Variants in NPY1R observed in about 807,000 individuals in gnomAD.
NPY1R encodes the protein neuropeptide Y receptor type 1.
NPY1R carries 10 observed loss-of-function variants against 24.1 expected under a neutral mutation model. The ratio of observed to expected loss-of-function variants is 0.42; its 90% CI spans 0.26 to 0.71. The LOEUF is 0.71. Among genes scored for constraint, NPY1R ranks in the 30% least tolerant of loss-of-function variants. NPY1R has a pLI of 0.28. For missense variants in NPY1R, 350 were observed against 458.0 expected (o/e 0.76, Z 2.15); for synonymous variants, 168 against 165.9 (o/e 1.01, Z -0.10).
intron 1 of NPY1R, among the ~76,000 whole-genome samples, chr4:163,329,918 T>C (rs551758916): frequency 6.6e-6 from 1 of 152,142 alleles, no homozygotes; most frequent in East Asian, 1.9e-4. Context: ...TTATGGTCTG[T>C]GCCTATAATC....
upstream of NPY1R, among the ~76,000 whole-genome samples, chr4:163,336,944 G>A (rs1194773191): frequency 6.6e-6 from 1 of 152,150 alleles, no homozygotes; most frequent in East Asian, 1.9e-4. Context: ...CTGGGCAACA[G>A]AGTGATACTG....
chr4:163,340,678 A>G (rs1176641004), intron 1 of NPY1R, among the ~76,000 whole-genome samples: 1 of 152,070 alleles, frequency 6.6e-6, no homozygotes, highest in Non-Finnish European at 1.5e-5. Flanking sequence ...TATAAAGAAA[A>G]CGAAGACTGA....
chr4:163,325,452 T>G lies in NPY1R; in HGVS notation c.1006A>C (p.Asn336His). The change falls in exon 3 of 3, where the codon AAC (asparagine) becomes CAC (histidine). Residue 336 changes from asparagine to histidine, a missense_variant. Transcript: ENST00000296533. Reference sequence around the variant, plus strand: ...TCCCGAGACCGGAAATCACAAAAGTTGAAGAAGAACTGCAAGTCTCTCTGG... The same window carrying G: ...TCCCGAGACCGGAAATCACAAAAGTGGAAGAAGAACTGCAAGTCTCTCTGG... ...NFQRDLQFFF[N>H]FCDFRSRDDD... is the part of the protein sequence containing the mutation. 6.2e-7 allele frequency: 1 copy of G among 1,614,126 alleles called. No homozygotes were observed. Among genetic ancestry groups the G allele is most frequent in the East Asian group, 2.2e-5 (1 of 44,886 alleles).
upstream of NPY1R, among the ~76,000 whole-genome samples, chr4:163,334,861 GAAAAAAAAA>G (rs545497813): frequency 6.0e-5 from 4 of 66,922 alleles, no homozygotes; most frequent in South Asian, 5.0e-4. Context: ...CTCTGTTTTG[GAAAAAAAAA>G]AAAAAAAAAA....
At chr4:163,333,220 T>G (rs1339898134), upstream of NPY1R, among the ~76,000 whole-genome samples, 1 of 151,802 alleles carries the variant, frequency 6.6e-6, no homozygotes, top group Non-Finnish European at 1.5e-5. Context: ...TGCTTTTTAG[T>G]TTTTTTAGGG....
chr4:163,326,992 A>C (rs1734623604), intron 1 of NPY1R, among the ~76,000 whole-genome samples: 1 of 152,192 alleles, frequency 6.6e-6, no homozygotes, highest in Non-Finnish European at 1.5e-5. Context: ...AACAGTAATA[A>C]CAGCACATTC....
intron 1 of NPY1R, among the ~76,000 whole-genome samples, chr4:163,341,622 G>A (rs776583149): frequency 6.6e-6 from 1 of 152,090 alleles, no homozygotes; most frequent in Admixed American, 6.5e-5. Context: ...TTACAGATAA[G>A]CTTTCTTTCA....
intron 1 of NPY1R, among the ~76,000 whole-genome samples, chr4:163,331,931 G>A (rs1734738493): frequency 6.6e-6 from 1 of 152,176 alleles, no homozygotes; most frequent in African/African-American, 2.4e-5. Context: ...TTGCGCGCTG[G>A]GGTCCGCGCC....
chr4:163,340,634 G>A (rs973621991), intron 1 of NPY1R, among the ~76,000 whole-genome samples: 25 of 151,778 alleles, frequency 1.6e-4, no homozygotes, highest in Non-Finnish European at 3.4e-4. Flanking sequence ...GTCTCAAAGG[G>A]GACTCCAGAT....
In NPY1R at chr4:163,325,527, T is replaced by A; in HGVS notation, c.931A>T (p.Ile311Leu). ...LFLLCHLTAM[I>L]STCVNPIFYG... Reference sequence around the variant, plus strand: ...AATATGGGGTTGACACAAGTGGATATCATTGCTGTGAGGTGGCAGAGCAGG... The same window carrying A: ...AATATGGGGTTGACACAAGTGGATAACATTGCTGTGAGGTGGCAGAGCAGG... The change falls in exon 3 of 3, where the codon ATA becomes TTA. Residue 311 changes from isoleucine (I) to leucine (L), a missense_variant. Coordinates refer to ENST00000296533, the MANE Select transcript of NPY1R (RefSeq NM_000909.6). The A allele has an allele frequency of 6.2e-7, 1 of 1,614,122 alleles. No homozygotes were observed. Among genetic ancestry groups the A allele is most frequent in the Non-Finnish European group, 8.5e-7 (1 of 1,179,980 alleles).
rs760750575 is a variant in NPY1R, at chr4:163,326,103, T to C, written c.452A>G (p.Asn151Ser). The change falls in exon 2 of 3, where the codon AAT (asparagine) becomes AGT (serine). Residue 151 changes from asparagine (N) to serine (S), a missense_variant. Coordinates refer to ENST00000296533, the MANE Select transcript of NPY1R (RefSeq NM_000909.6). ...AATACCTACATAAGCATGTCTATTA[T>C]TTGGTCTCCACCCTCGAGGGTTGAT... ...LIINPRGWRP[N>S]NRHAYVGIAV... is the part of the protein sequence containing the mutation. The C allele has an allele frequency of 6.2e-7, 1 of 1,614,140 alleles. No homozygotes were observed. The highest frequency in any genetic ancestry group is 1.1e-5 in the South Asian group (1 of 91,076).
chr4:163,329,794 T>C (rs1366936725), intron 1 of NPY1R, among the ~76,000 whole-genome samples: 2 of 151,190 alleles, frequency 1.3e-5, no homozygotes, highest in African/African-American at 2.4e-5. Flanking sequence ...CTAAGGCCCA[T>C]GTGTAACTGG....
chr4:163,333,865 T>C (rs575980218), upstream of NPY1R, among the ~76,000 whole-genome samples: 20 of 152,332 alleles, frequency 1.3e-4, no homozygotes, highest in South Asian at 3.7e-3. Context: ...AAAGGCATTG[T>C]AATTAAGAAT....
chr4:163,338,430 C>T (rs983325862), intron 1 of NPY1R, among the ~76,000 whole-genome samples: 1 of 152,150 alleles, frequency 6.6e-6, no homozygotes, highest in Non-Finnish European at 1.5e-5. Flanking sequence ...ACCACAGCTC[C>T]CTTCAGAGGA....
At chr4:163,333,937 A>G (rs763773994), upstream of NPY1R, among the ~76,000 whole-genome samples, 1 of 152,196 alleles carries the variant, frequency 6.6e-6, no homozygotes, top group Non-Finnish European at 1.5e-5. Context: ...ATAAGCATAC[A>G]TATAAAAATC....
At position 163,326,263 on chromosome 4, in the gene NPY1R, A is replaced by C. The variant is rs1734604682; in HGVS notation, c.292T>G (p.Phe98Val). ...LVAIMCLPFT[F>V]VYTLMDHWVF... ...CAGTGGTCCATTAATGTGTAGACAA[A>C]TGTAAAGGGGAGACACATGATGGCA... Residue 98 changes from phenylalanine to valine, a missense_variant, in exon 2 of 3, where the codon TTT (phenylalanine) becomes GTT (valine). Coordinates refer to ENST00000296533, the MANE Select transcript of NPY1R (RefSeq NM_000909.6). 1 of 1,614,138 alleles carries C rather than the reference A, an allele frequency of 6.2e-7. No individual in the cohort carries two copies. Among genetic ancestry groups the C allele is most frequent in the East Asian group, 2.2e-5 (1 of 44,886 alleles).
chr4:163,338,927 A>G (rs963428519), intron 1 of NPY1R, among the ~76,000 whole-genome samples: 1 of 152,004 alleles, frequency 6.6e-6, no homozygotes, highest in Non-Finnish European at 1.5e-5. Context: ...TCACAAATCC[A>G]ACTGGTCTCA....
upstream of NPY1R, among the ~76,000 whole-genome samples, chr4:163,335,663 T>G (rs1734824666): frequency 1.3e-5 from 2 of 152,082 alleles, no homozygotes; most frequent in African/African-American, 4.8e-5. Flanking sequence ...GGGGTAGAAC[T>G]ATGATGAAGC....
In NPY1R at chr4:163,325,616, A is replaced by G; in HGVS notation, c.842T>C (p.Ile281Thr). ...ATTCCAATCAAACACAGTGTTAAAG[A>G]TGGTAAGAGGGAGCCAGCAGACTGC... ...AFAVCWLPLT[I>T]FNTVFDWNHQ... The change falls in exon 3 of 3, where the codon ATC becomes ACC. Residue 281 changes from isoleucine (I) to threonine (T), a missense_variant. Coordinates refer to ENST00000296533, the MANE Select transcript of NPY1R (RefSeq NM_000909.6). 1 of 1,613,008 alleles carries G rather than the reference A, an allele frequency of 6.2e-7. No homozygotes were observed. Among genetic ancestry groups the G allele is most frequent in the Non-Finnish European group, 8.5e-7 (1 of 1,179,964 alleles).
Sources: gnomAD v4.1 joint callset for allele counts (sites outside exome capture counted in the v4.1 genomes callset) on GRCh38, gnomAD v4.1.1 for gene constraint, MANE v1.5 for transcripts, NCBI Gene and HGNC (gene_info 2026-07-23, HGNC 2026-07-21) for gene names.